Variants in SLC25A16 observed in about 807,000 individuals in gnomAD.
SLC25A16 encodes the protein solute carrier family 25 member 16, also known as mitochondrial coenzyme A transporter SLC25A16.
Under a neutral mutation model 41.5 loss-of-function variants are expected in SLC25A16, and 39 were observed. The observed-to-expected ratio is 0.94, with a 90% CI of 0.73 to 1.23. The LOEUF (loss-of-function observed/expected upper bound fraction) is 1.23. Among genes scored for constraint, SLC25A16 ranks in the 50% most tolerant of loss-of-function variants. SLC25A16 has a pLI of 0.00. For synonymous variants in SLC25A16, 146 were observed against 147.8 expected, an observed-to-expected ratio of 0.99 and a Z score of 0.09; for missense variants, 421 against 426.9, an observed-to-expected ratio of 0.99 and a Z score of 0.12.
intron 6 of SLC25A16, among the ~76,000 whole-genome samples, chr10:68,492,151 A>G (rs960344575): frequency 1.3e-5 from 2 of 152,200 alleles, no homozygotes; most frequent in Admixed American, 6.6e-5. Context: ...CAAAAAAGGT[A>G]GCCTAATATA....
intron 2 of SLC25A16, among the ~76,000 whole-genome samples, chr10:68,510,731 G>C (rs1316037818): frequency 6.6e-6 from 1 of 152,154 alleles, no homozygotes; most frequent in African/African-American, 2.4e-5. Context: ...CCAGCTACTT[G>C]AGAGGCTGAG....
At chr10:68,509,737 A>ATCTATCTATATCTATATCTATATC in intron 2 of SLC25A16, among the ~76,000 whole-genome samples, 1 of 143,796 alleles carries the variant, frequency 7.0e-6, no homozygotes, top group African/African-American at 2.5e-5. Context: ...CTATCTATAT[A>ATCTATCTATATCTATATCTATATC]TATATCTATA....
intron 1 of SLC25A16, among the ~76,000 whole-genome samples, chr10:68,520,047 T>G (rs2053225299): frequency 6.7e-6 from 1 of 148,492 alleles, no homozygotes; most frequent in Non-Finnish European, 1.5e-5. Flanking sequence ...ACCTCCCAGG[T>G]TCAAGCGATT....
At chr10:68,506,449 T>TAAA in intron 3 of SLC25A16, 136 bp downstream of exon 3, 5 of 534,982 alleles carry the variant, frequency 9.3e-6, no homozygotes, top group South Asian at 4.3e-5. Flanking sequence ...TCTCAAAAAT[T>TAAA]AAAAAAAAAA....
rs570071923 is a variant in SLC25A16, at chr10:68,506,918, C to T, written c.224-200G>A. Among the ~76,000 whole-genome samples, 40 of 151,672 alleles carry T rather than the reference C, an allele frequency of 2.6e-4. 1 individual carries two copies. In the South Asian group the frequency reaches 7.7e-3, roughly 29 times the overall value. On this transcript the variant is annotated intron_variant, in intron 2 of 8. Coordinates refer to ENST00000609923, the MANE Select transcript of SLC25A16 (RefSeq NM_152707.4). Reference sequence around the variant, plus strand: ...TCCAAATAATATAAATAAGCACACCCCATATAATATAAAACCTACTGTAGA... The same window carrying T: ...TCCAAATAATATAAATAAGCACACCTCATATAATATAAAACCTACTGTAGA...
intron 4 of SLC25A16, chr10:68,496,870 G>A (rs1168846750): frequency 5.6e-6 from 1 of 178,520 alleles, no homozygotes; most frequent in African/African-American, 2.4e-5. Context: ...GAATGCAGTG[G>A]TGTGATCACT....
At chr10:68,503,830 G>T in intron 3 of SLC25A16, 135 bp from the exon 4 acceptor site, 1 of 656,834 alleles carries the variant, frequency 1.5e-6, no homozygotes, top group South Asian at 1.9e-5. Context: ...AACGAAATGA[G>T]CACAATTAAA....
intron 1 of SLC25A16, among the ~76,000 whole-genome samples, chr10:68,520,581 G>A (rs1317522408): frequency 1.3e-5 from 2 of 151,980 alleles, no homozygotes; most frequent in East Asian, 3.9e-4. Flanking sequence ...GAAGTCCGAG[G>A]CAGGCAGATC....
intron 2 of SLC25A16, among the ~76,000 whole-genome samples, chr10:68,507,136 G>T (rs551581621): frequency 6.8e-6 from 1 of 146,386 alleles, no homozygotes; most frequent in African/African-American, 2.5e-5. Flanking sequence ...GCAGTGGCGC[G>T]ATCTGGGCTC....
At chr10:68,524,707 CAAA>C (rs1182825187) in intron 1 of SLC25A16, among the ~76,000 whole-genome samples, 2,349 of 68,398 alleles carry the variant, frequency 0.034, 59 homozygotes, top group African/African-American at 0.12. Context: ...GACTCCATCT[CAAA>C]AAAAAAAAAA....
At chr10:68,512,683 C>G (rs1425093821) in intron 2 of SLC25A16, among the ~76,000 whole-genome samples, 1 of 150,920 alleles carries the variant, frequency 6.6e-6, no homozygotes, top group Non-Finnish European at 1.5e-5. Flanking sequence ...ATAATTCACT[C>G]CTGGATATGA....
At position 68,483,603 on chromosome 10, in the gene SLC25A16, T is replaced by A; in HGVS notation, c.843-15A>T. The A allele has an allele frequency of 6.3e-7, 1 of 1,575,128 alleles. No homozygotes were observed. The highest frequency in any genetic ancestry group is 8.6e-7 in the Non-Finnish European group (1 of 1,162,076). On this transcript the variant is annotated splice_polypyrimidine_tract_variant and intron_variant, in intron 8 of 8. Transcript: ENST00000609923. ...CCCGCATGGTACTGAAAGACAATGA[T>A]TAAATGATGACCTCTATGCCCACTC...
chr10:68,525,345 A>C (rs1233931652), intron 1 of SLC25A16, among the ~76,000 whole-genome samples: 1 of 152,112 alleles, frequency 6.6e-6, no homozygotes, highest in Non-Finnish European at 1.5e-5. Flanking sequence ...CATGTTGGCC[A>C]GGCTGGTCTC....
chr10:68,525,788 A>G lies in SLC25A16; in HGVS notation c.130+1458T>C, dbSNP rs1029678193. The stretch of plus-strand genomic sequence containing the variant: ...AATTCTTCTGCCTTGAGATTCTGTT[A>G]ATCTATAACCTTACCCCCAACCCCG... On this transcript the variant is annotated intron_variant, in intron 1 of 8. Transcript: ENST00000609923. Among the ~76,000 whole-genome samples the G allele has an allele frequency of 2.0e-5, 3 of 152,052 alleles. No homozygotes were observed. The East Asian group carries it at 5.8e-4, about 29-fold the overall frequency.
chr10:68,524,822 A>C (rs1300727910), intron 1 of SLC25A16, among the ~76,000 whole-genome samples: 1 of 151,608 alleles, frequency 6.6e-6, no homozygotes, highest in Admixed American at 6.6e-5. Flanking sequence ...GGTTGCAGTG[A>C]GCAGAGATCG....
At chr10:68,500,221 C>G (rs2052817963) in intron 4 of SLC25A16, among the ~76,000 whole-genome samples, 1 of 152,086 alleles carries the variant, frequency 6.6e-6, no homozygotes, top group African/African-American at 2.4e-5. Context: ...GAAGCCTTAT[C>G]AAAAGTAGAG....
intron 3 of SLC25A16, among the ~76,000 whole-genome samples, chr10:68,504,016 A>AC (rs1554918660): frequency 9.4e-6 from 1 of 106,330 alleles, no homozygotes; most frequent in East Asian, 2.9e-4. Flanking sequence ...ATAAACTGCT[A>AC]CTTTTTTTTT....
intron 1 of SLC25A16, among the ~76,000 whole-genome samples, chr10:68,521,337 A>G (rs2053246324): frequency 6.6e-6 from 1 of 151,964 alleles, no homozygotes. Context: ...TCAGTTCGAG[A>G]CCAGCCTGGC....
intron 2 of SLC25A16, among the ~76,000 whole-genome samples, chr10:68,515,847 G>A (rs577067203): frequency 1.3e-5 from 2 of 152,198 alleles, no homozygotes; most frequent in African/African-American, 4.8e-5. Context: ...AGACTGAGTT[G>A]TTACGTGTGC....
Sources: allele counts gnomAD v4.1 joint callset (sites outside exome capture counted in the v4.1 genomes callset), GRCh38; gene constraint gnomAD v4.1.1; transcripts MANE v1.5; gene names NCBI Gene and HGNC (gene_info 2026-07-23, HGNC 2026-07-21).